Variants in TCERG1L observed in about 807,000 individuals in gnomAD.
The protein encoded by TCERG1L is transcription elongation regulator 1-like protein.
A neutral mutation model predicts 56.3 loss-of-function variants in TCERG1L; 37 were observed. The observed-to-expected ratio is 0.66, with a 90% confidence interval of 0.51 to 0.87. The LOEUF is 0.87. TCERG1L is among the 40% of genes least tolerant of loss of function. The probability of loss-of-function intolerance (pLI) is 0.00; values close to 1 mark genes in which losing one functional copy is unlikely to be tolerated. For missense variants in TCERG1L, 799 were observed against 774.2 expected, an observed-to-expected ratio of 1.03 and a Z score of -0.38; for synonymous variants, 324 against 326.3, an observed-to-expected ratio of 0.99 and a Z score of 0.08.
At chr10:131,196,712 G>A (rs548250770) in intron 4 of TCERG1L, among the ~76,000 whole-genome samples, 20 of 152,330 alleles carry the variant, frequency 1.3e-4, no homozygotes, top group African/African-American at 4.1e-4. Context: ...ACAGACTCCC[G>A]TGACTCGGCC....
intron 4 of TCERG1L, among the ~76,000 whole-genome samples, chr10:131,219,515 T>C (rs1490362075): frequency 1.3e-5 from 2 of 152,182 alleles, no homozygotes; most frequent in Admixed American, 6.5e-5. Context: ...CAATACATAC[T>C]TGCAGGAGGG....
At chr10:131,307,767 T>C (rs541450178) in intron 3 of TCERG1L, among the ~76,000 whole-genome samples, 31 of 152,294 alleles carry the variant, frequency 2.0e-4, no homozygotes, top group Admixed American at 9.1e-4. Flanking sequence ...TCCATCTCAC[T>C]ATCACCCGCA....
At chr10:131,104,134 C>G (rs1845328063) in intron 10 of TCERG1L, 131 bp downstream of exon 10, 15 of 615,480 alleles carry the variant, frequency 2.4e-5, no homozygotes, top group Non-Finnish European at 4.3e-5. Flanking sequence ...TGTTCACAAG[C>G]TCGCAAGCCA....
At chr10:131,176,240 GCA>G (rs1291913235) in intron 4 of TCERG1L, among the ~76,000 whole-genome samples, 1 of 151,104 alleles carries the variant, frequency 6.6e-6, no homozygotes, top group Non-Finnish European at 1.5e-5. Context: ...AGATACCCGT[GCA>G]CACACACAGA....
chr10:131,166,956 G>A, intron 4 of TCERG1L, 71 bp from the exon 5 acceptor site: 1 of 1,385,850 alleles, frequency 7.2e-7, no homozygotes, highest in Middle Eastern at 1.8e-4. Context: ...AGCAATCAAA[G>A]ACAAAAAGTG....
At chr10:131,149,715 GAC>G (rs1296040990) in intron 6 of TCERG1L, among the ~76,000 whole-genome samples, 1 of 152,182 alleles carries the variant, frequency 6.6e-6, no homozygotes, top group African/African-American at 2.4e-5. Flanking sequence ...GTAGGACGTG[GAC>G]AGTTTTACTA....
At chr10:131,120,306 T>C (rs935786632) in intron 8 of TCERG1L, among the ~76,000 whole-genome samples, 1 of 152,200 alleles carries the variant, frequency 6.6e-6, no homozygotes, top group Non-Finnish European at 1.5e-5. Context: ...CCAGTGGAGC[T>C]GAGTTCTGGG....
chr10:131,270,796 G>A (rs1846331924), intron 3 of TCERG1L, among the ~76,000 whole-genome samples: 1 of 152,122 alleles, frequency 6.6e-6, no homozygotes, highest in Non-Finnish European at 1.5e-5. Context: ...TATCAGGCTT[G>A]GCGAGGTTTG....
At chr10:131,247,906 G>A (rs778844968) in intron 4 of TCERG1L, among the ~76,000 whole-genome samples, 14 of 128,380 alleles carry the variant, frequency 1.1e-4, no homozygotes, top group South Asian at 7.1e-4. Flanking sequence ...GTGCACACAC[G>A]CACACACACG....
chr10:131,136,461 G>A (rs1845676167), intron 7 of TCERG1L, among the ~76,000 whole-genome samples: 1 of 151,898 alleles, frequency 6.6e-6, no homozygotes, highest in African/African-American at 2.4e-5. Flanking sequence ...CGTGGCTGCT[G>A]CCCCAGGGAG....
chr10:131,224,238 A>G (rs918200241), intron 4 of TCERG1L, among the ~76,000 whole-genome samples: 1 of 152,014 alleles, frequency 6.6e-6, no homozygotes, highest in Non-Finnish European at 1.5e-5. Context: ...TGATGCCCCT[A>G]CATGCTCCTG....
chr10:131,198,347 C>A (rs572025346), intron 4 of TCERG1L, among the ~76,000 whole-genome samples: 1 of 152,344 alleles, frequency 6.6e-6, no homozygotes, highest in Admixed American at 6.5e-5. Context: ...CAAACCAGGT[C>A]CCCTGGTGAC....
At chr10:131,270,960 G>A (rs144192458) in intron 3 of TCERG1L, among the ~76,000 whole-genome samples, 1,530 of 152,252 alleles carry the variant, frequency 0.01, 24 homozygotes, top group African/African-American at 0.035. Flanking sequence ...GAGAGGAACA[G>A]GGCTTCCCAG....
At chr10:131,272,474 G>A (rs1298098876) in intron 3 of TCERG1L, among the ~76,000 whole-genome samples, 7 of 152,152 alleles carry the variant, frequency 4.6e-5, no homozygotes, top group African/African-American at 9.7e-5. Context: ...CAAGCTCCAC[G>A]GGCCCCTTTC....
intron 4 of TCERG1L, among the ~76,000 whole-genome samples, chr10:131,240,265 G>C (rs781176449): frequency 3.9e-5 from 6 of 152,162 alleles, no homozygotes; most frequent in Non-Finnish European, 8.8e-5. Flanking sequence ...ATCCCTAAAG[G>C]CAGGGTCCAT....
At chr10:131,167,742 C>T (rs940002584) in intron 4 of TCERG1L, among the ~76,000 whole-genome samples, 24 of 152,136 alleles carry the variant, frequency 1.6e-4, no homozygotes, top group African/African-American at 5.3e-4. Flanking sequence ...TCCAGGGGGC[C>T]GGACCCACAG....
chr10:131,224,962 C>T (rs1347226172), intron 4 of TCERG1L, among the ~76,000 whole-genome samples: 4 of 152,174 alleles, frequency 2.6e-5, no homozygotes, highest in African/African-American at 9.7e-5. Context: ...GTAATCATGA[C>T]CATCGGCCCG....
intron 4 of TCERG1L, among the ~76,000 whole-genome samples, chr10:131,250,286 T>C (rs1446385305): frequency 6.9e-6 from 1 of 145,608 alleles, no homozygotes; most frequent in Non-Finnish European, 1.5e-5. Context: ...TAGTGCTTCC[T>C]GCGAGATGAG....
chr10:131,291,398 TTTC>T (rs1388671107), intron 3 of TCERG1L, among the ~76,000 whole-genome samples: 38 of 98,426 alleles, frequency 3.9e-4, no homozygotes, highest in South Asian at 6.7e-4. Context: ...ATAAACAGCA[TTTC>T]TTTTTTTTTT....
Sources: allele counts gnomAD v4.1 joint callset (sites outside exome capture counted in the v4.1 genomes callset), GRCh38; gene constraint gnomAD v4.1.1; transcripts MANE v1.5; gene names NCBI Gene and HGNC (gene_info 2026-07-23, HGNC 2026-07-21).